Variants in ZNF619 observed in about 807,000 individuals in gnomAD.
ZNF619 encodes the protein zinc finger protein 619.
In ZNF619, 9 loss-of-function variants were observed where a neutral mutation model predicts 14.2. The ratio of observed to expected loss-of-function variants is 0.64; its 90% CI spans 0.38 to 1.11. ZNF619 has a LOEUF of 1.11. Among genes scored for constraint, ZNF619 ranks in the 50% least tolerant of loss-of-function variants. The pLI, the probability that ZNF619 is intolerant of heterozygous loss-of-function variation, is 0.01. For synonymous variants in ZNF619, 246 were observed against 252.8 expected, an observed-to-expected ratio of 0.97 and a Z score of 0.26; for missense variants, 659 against 680.1, an observed-to-expected ratio of 0.97 and a Z score of 0.34.
At position 40,490,080 on chromosome 3, in the gene ZNF619, C is replaced by G. The variant is rs1156561790; in HGVS notation, c.*1839C>G. ...GGCTTTATGAGGAGAGGAAGAGCAA[C>G]TGGAACTGGGACACATGCTTGCTCT... On this transcript the variant is annotated 3_prime_UTR_variant, in exon 5 of 5. Transcript: ENST00000432264. 6.6e-6 allele frequency: 1 copy of G among 152,182 alleles called. No homozygotes were observed. Among genetic ancestry groups the G allele is most frequent in the Non-Finnish European group, 1.5e-5 (1 of 68,060 alleles). The allele number at this position is 152,182 out of a possible 1,614,324, so 9.4% of individuals were successfully genotyped here.
intron 4 of ZNF619, among the ~76,000 whole-genome samples, chr3:40,484,035 C>T (rs895561259): frequency 2.0e-4 from 31 of 152,318 alleles, no homozygotes; most frequent in African/African-American, 6.3e-4. Flanking sequence ...AAGCGATTCT[C>T]CTGCCTCAGC....
Position 40,487,177 on chromosome 3 carries a change from C to T in ZNF619, c.667C>T (p.Gln223Ter). ...CCCACATTCAGACTTTCACCTGCAT[C>T]AGAGAGTTCACACTAATGAGAAGCC... ...YNPHSDFHLH[Q>*]RVHTNEKPYT... The change falls in exon 5 of 5, where the codon CAG (glutamine) becomes TAG (stop). Residue 223 changes from glutamine (Q) to a stop codon, truncating the protein, a stop_gained. Coordinates refer to ENST00000432264, the MANE Select transcript of ZNF619 (RefSeq NM_001145093.4). LOFTEE classifies it low-confidence loss of function (END_TRUNC). The T allele has an allele frequency of 1.2e-6, 2 of 1,614,208 alleles. No homozygotes were observed. Among genetic ancestry groups the T allele is most frequent in the Non-Finnish European group, 1.7e-6 (2 of 1,180,044 alleles).
intron 1 of ZNF619, 130 bp from the exon 2 acceptor site, chr3:40,477,788 C>T (rs913801489): frequency 8.6e-6 from 5 of 583,938 alleles, no homozygotes; most frequent in Non-Finnish European, 1.5e-5. Context: ...TCCCATGAAT[C>T]AGTGGAGAGG....
intron 2 of ZNF619, among the ~76,000 whole-genome samples, chr3:40,480,134 A>G (rs940337114): frequency 2.6e-5 from 4 of 152,232 alleles, no homozygotes; most frequent in African/African-American, 9.7e-5. Context: ...GGTAGAGCAT[A>G]ATGTCAAGAA....
At chr3:40,482,146 G>T in intron 3 of ZNF619, 130 bp downstream of exon 3, 1 of 1,547,546 alleles carries the variant, frequency 6.5e-7, no homozygotes, top group South Asian at 1.2e-5. Context: ...CTAATCCCCA[G>T]TGCCAGGGGT....
rs757353039 is a variant in ZNF619, at chr3:40,487,852, C to G, written c.1342C>G (p.Arg448Gly). The part of the protein sequence containing the change: ...SQKITLVQHQ[R>G]VHTGEKPYEC... ...AAAGATCACTCTGGTTCAGCATCAG[C>G]GAGTTCACACTGGGGAGAAACCTTA... is the stretch of plus-strand genomic sequence containing the variant. Residue 448 changes from arginine to glycine, a missense_variant, in exon 5 of 5, where the codon CGA becomes GGA. Transcript: ENST00000432264. 6.2e-7 allele frequency: 1 copy of G among 1,612,560 alleles called. No individual in the cohort carries two copies. The highest frequency in any genetic ancestry group is 8.5e-7 in the Non-Finnish European group (1 of 1,179,580).
chr3:40,486,965 G>C lies in ZNF619; in HGVS notation c.455G>C (p.Gly152Ala), dbSNP rs561913441. 33 of 1,614,096 alleles carry C rather than the reference G, an allele frequency of 2.0e-5. 1 individual carries two copies. In the South Asian group the frequency reaches 3.5e-4, roughly 17 times the overall value. ...RLEKSQLHDT[G>A]NKTKIGDCTD... is the part of the protein sequence containing the mutation. Reference sequence around the variant, plus strand: ...GAGAAGTCACAGCTACATGATACAGGGAATAAAACAAAGATAGGGGATTGC... The same window carrying C: ...GAGAAGTCACAGCTACATGATACAGCGAATAAAACAAAGATAGGGGATTGC... Residue 152 changes from glycine to alanine, a missense_variant, in exon 5 of 5, where the codon GGG (glycine) becomes GCG (alanine). Transcript: ENST00000432264.
At position 40,488,075 on chromosome 3, in the gene ZNF619, C is replaced by A; in HGVS notation, c.1565C>A (p.Ser522Tyr). 6.2e-7 allele frequency: 1 copy of A among 1,614,236 alleles called. No homozygotes were observed. The highest frequency in any genetic ancestry group is 1.1e-5 in the South Asian group (1 of 91,084). Residue 522 changes from serine (S) to tyrosine (Y), a missense_variant, in exon 5 of 5, where the codon TCT becomes TAT. Transcript: ENST00000432264. Reference protein sequence around the residue: ...ALAPPGPPLSSSHAVVLPPSV... With the variant: ...ALAPPGPPLSYSHAVVLPPSV... ...GCCCCACCAGGGCCTCCCTTATCTT[C>A]TTCACATGCAGTGGTACTTCCTCCC... is the stretch of plus-strand genomic sequence containing the variant.
At chr3:40,482,369 C>A in intron 3 of ZNF619, 1 of 1,567,506 alleles carries the variant, frequency 6.4e-7, no homozygotes, top group East Asian at 2.4e-5. Flanking sequence ...CTAGGGCCCT[C>A]GTGTACACAC....
At chr3:40,485,300 T>C (rs1697542663) in intron 4 of ZNF619, among the ~76,000 whole-genome samples, 1 of 125,506 alleles carries the variant, frequency 8.0e-6, no homozygotes, top group East Asian at 2.7e-4. Context: ...TGTGAATGCA[T>C]CATTTTTTTT....
At chr3:40,480,965 T>C (rs1440619918) in intron 2 of ZNF619, among the ~76,000 whole-genome samples, 1 of 152,246 alleles carries the variant, frequency 6.6e-6, no homozygotes, top group Non-Finnish European at 1.5e-5. Context: ...TTTGAACTTT[T>C]TGCTTCCTTA....
At position 40,487,137 on chromosome 3, in the gene ZNF619, T is replaced by C; in HGVS notation, c.627T>C (p.Cys209=). The change falls in exon 5 of 5, where the codon TGT becomes TGC. Residue 209 remains cysteine (C), a synonymous_variant. Transcript: ENST00000432264. The stretch of plus-strand genomic sequence containing the variant: ...AGGTGTTTTATAAATGTGGTGAGTG[T>C]GGCAGTTACTACAACCCACATTCAG... ...KEQVFYKCGE[C]GSYYNPHSDF... is the part of the protein sequence containing the mutation. 6.2e-7 allele frequency: 1 copy of C among 1,614,146 alleles called. No individual in the cohort carries two copies. Among genetic ancestry groups the C allele is most frequent in the South Asian group, 1.1e-5 (1 of 91,086 alleles).
intron 2 of ZNF619, among the ~76,000 whole-genome samples, chr3:40,480,623 C>T (rs1425053945): frequency 2.0e-5 from 3 of 151,878 alleles, no homozygotes; most frequent in African/African-American, 7.3e-5. Flanking sequence ...CTCAGCCTCC[C>T]GAGTAGCTGG....
Position 40,489,584 on chromosome 3 carries a change from C to T in ZNF619, c.*1343C>T, listed in dbSNP as rs1368222537. On this transcript the variant is annotated 3_prime_UTR_variant, in exon 5 of 5. Transcript: ENST00000432264. ...TTCATATCTGTTGAATTTCAGTACC[C>T]ACTCATATATGTAGGTACAAAAAGT... 6.6e-6 allele frequency: 1 copy of T among 151,916 alleles called. No individual in the cohort carries two copies. Among genetic ancestry groups the T allele is most frequent in the Non-Finnish European group, 1.5e-5 (1 of 68,022 alleles). 9.4% of individuals were successfully genotyped at this position (151,916 alleles called of 1,614,324 possible).
In ZNF619 at chr3:40,488,085, A is replaced by C. The variant is rs1697691138; in HGVS notation, c.1575A>C (p.Ala525=). The C allele has an allele frequency of 3.7e-6, 6 of 1,614,174 alleles. No individual in the cohort carries two copies. The highest frequency in any genetic ancestry group is 5.1e-6 in the Non-Finnish European group (6 of 1,180,030). The change falls in exon 5 of 5, where the codon GCA becomes GCC. Residue 525 remains alanine, a synonymous_variant. Coordinates refer to ENST00000432264, the MANE Select transcript of ZNF619 (RefSeq NM_001145093.4). ...GGCCTCCCTTATCTTCTTCACATGC[A>C]GTGGTACTTCCTCCCTCTGTGCCTT... ...PPGPPLSSSH[A]VVLPPSVPFF... is the part of the protein sequence containing the mutation.
chr3:40,482,988 G>T (rs1385266018), intron 4 of ZNF619, among the ~76,000 whole-genome samples: 1 of 152,136 alleles, frequency 6.6e-6, no homozygotes, highest in Admixed American at 6.5e-5. Context: ...AGGTGGGAGG[G>T]TGCTTGAGGC....
intron 4 of ZNF619, among the ~76,000 whole-genome samples, chr3:40,485,092 C>G (rs894568618): frequency 2.0e-5 from 3 of 152,078 alleles, no homozygotes; most frequent in African/African-American, 7.2e-5. Context: ...CAAACCCAGC[C>G]CCATTAATAT....
Position 40,487,495 on chromosome 3 carries a change from T to C in ZNF619, c.985T>C (p.Tyr329His), listed in dbSNP as rs752102729. ...ATGTGGGAAAGCCTTCAGTTGTAGC[T>C]ATGACTGCATCATCCATGAACGAAT... ...KECGKAFSCSYDCIIHERIHN... is the reference protein window; with the variant it reads ...KECGKAFSCSHDCIIHERIHN... Residue 329 changes from tyrosine to histidine, a missense_variant, in exon 5 of 5, where the codon TAT becomes CAT. Coordinates refer to ENST00000432264, the MANE Select transcript of ZNF619 (RefSeq NM_001145093.4). The C allele has an allele frequency of 5.6e-6, 9 of 1,614,134 alleles. No homozygotes were observed. The South Asian group carries it at 9.9e-5, about 18-fold the overall frequency.
chr3:40,481,402 T>C (rs1697387620), intron 2 of ZNF619, among the ~76,000 whole-genome samples: 2 of 152,168 alleles, frequency 1.3e-5, no homozygotes, highest in African/African-American at 4.8e-5. Flanking sequence ...GGCAAGATGA[T>C]AGAAAGGGGA....
Sources: gnomAD v4.1 joint callset for allele counts (sites outside exome capture counted in the v4.1 genomes callset) on GRCh38, gnomAD v4.1.1 for gene constraint, MANE v1.5 for transcripts, NCBI Gene and HGNC (gene_info 2026-07-23, HGNC 2026-07-21) for gene names.